Variants in ZBTB16 observed in about 807,000 individuals in gnomAD.
The protein encoded by ZBTB16 is zinc finger and BTB domain-containing protein 16.
Under a neutral mutation model 56.8 loss-of-function variants are expected in ZBTB16, and 8 were observed. The observed-to-expected ratio is 0.14, with a 90% CI of 0.08 to 0.25. The LOEUF (loss-of-function observed/expected upper bound fraction) is 0.25, where lower values mean the gene tolerates loss of function less well. ZBTB16 is among the 10% of genes least tolerant of loss of function. The probability of loss-of-function intolerance (pLI) is 1.00; values close to 1 mark genes in which losing one functional copy is unlikely to be tolerated. For synonymous variants in ZBTB16, 363 were observed against 368.5 expected (o/e 0.98, Z 0.17); for missense variants, 625 against 903.0 (o/e 0.69, Z 3.95).
intron 4 of ZBTB16, among the ~76,000 whole-genome samples, chr11:114,201,668 A>G (rs1165539829): frequency 6.6e-6 from 1 of 152,220 alleles, no homozygotes; most frequent in Admixed American, 6.5e-5. Flanking sequence ...TTTGCATGAT[A>G]AAAGCTGATT....
chr11:114,168,692 C>T (rs777161436), intron 3 of ZBTB16, among the ~76,000 whole-genome samples: 4 of 152,176 alleles, frequency 2.6e-5, no homozygotes, highest in Non-Finnish European at 5.9e-5. Flanking sequence ...TATACCTAGC[C>T]CTGGCCTCGT....
At chr11:114,165,385 A>G (rs1485517859) in intron 3 of ZBTB16, among the ~76,000 whole-genome samples, 3 of 152,176 alleles carry the variant, frequency 2.0e-5, no homozygotes, top group Admixed American at 6.6e-5. Flanking sequence ...AGGCTTTACA[A>G]GGCCCTTATT....
intron 4 of ZBTB16, among the ~76,000 whole-genome samples, chr11:114,230,192 C>T (rs1417422474): frequency 6.6e-6 from 1 of 152,170 alleles, no homozygotes; most frequent in Non-Finnish European, 1.5e-5. Context: ...GCAAAACAAC[C>T]TCTGTCCTTG....
chr11:114,192,835 T>G (rs1943530127), intron 4 of ZBTB16, among the ~76,000 whole-genome samples: 1 of 152,226 alleles, frequency 6.6e-6, no homozygotes, highest in African/African-American at 2.4e-5. Flanking sequence ...TCTGGGGGAA[T>G]GAGCTGTGAG....
At chr11:114,245,678 C>T (rs896123208) in intron 5 of ZBTB16, among the ~76,000 whole-genome samples, 2 of 152,106 alleles carry the variant, frequency 1.3e-5, no homozygotes, top group African/African-American at 2.4e-5. Context: ...TGCCCAGGCA[C>T]GAGCGCAGTT....
Position 114,204,564 on chromosome 11 carries a change from T to C in ZBTB16, c.1453+17526T>C, listed in dbSNP as rs188680669. Among the ~76,000 whole-genome samples, 14 of 152,360 alleles carry C rather than the reference T, an allele frequency of 9.2e-5. No individual in the cohort carries two copies. The East Asian group carries it at 2.7e-3, about 29-fold the overall frequency. On this transcript the variant is annotated intron_variant, in intron 4 of 6. Coordinates refer to ENST00000335953, the MANE Select transcript of ZBTB16 (RefSeq NM_006006.6). Reference sequence around the variant, plus strand: ...TTTAATGGTTTCCCAGTGTTCTCCCTACACCCATTCGTTTTTTTCTCCCCA... The same window carrying C: ...TTTAATGGTTTCCCAGTGTTCTCCCCACACCCATTCGTTTTTTTCTCCCCA...
intron 4 of ZBTB16, among the ~76,000 whole-genome samples, chr11:114,219,295 C>T (rs894920092): frequency 2.0e-5 from 3 of 152,146 alleles, no homozygotes; most frequent in African/African-American, 7.2e-5. Flanking sequence ...CCCAACCAAC[C>T]AACCAACAAA....
intron 4 of ZBTB16, among the ~76,000 whole-genome samples, chr11:114,200,754 G>A (rs1943720738): frequency 6.6e-6 from 1 of 152,088 alleles, no homozygotes; most frequent in African/African-American, 2.4e-5. Context: ...CCCATGCTCA[G>A]CCCCTCAAGC....
At chr11:114,150,593 C>G (rs1176054308) in intron 2 of ZBTB16, among the ~76,000 whole-genome samples, 1 of 152,200 alleles carries the variant, frequency 6.6e-6, no homozygotes, top group African/African-American at 2.4e-5. Context: ...TTGCATTCAT[C>G]CCTTCCTCTT....
At chr11:114,157,590 C>T (rs568911050) in intron 3 of ZBTB16, among the ~76,000 whole-genome samples, 1 of 152,310 alleles carries the variant, frequency 6.6e-6, no homozygotes, top group East Asian at 1.9e-4. Flanking sequence ...TTAGTACTGT[C>T]TTTCCCCTGA....
chr11:114,248,814 C>T (rs559180429), intron 6 of ZBTB16, among the ~76,000 whole-genome samples: 1 of 152,264 alleles, frequency 6.6e-6, no homozygotes, highest in African/African-American at 2.4e-5. Context: ...TTCCTTAGCC[C>T]CTTGTCAGGG....
intron 2 of ZBTB16, among the ~76,000 whole-genome samples, chr11:114,121,129 T>G (rs1364092968): frequency 6.6e-6 from 1 of 152,238 alleles, no homozygotes; most frequent in East Asian, 1.9e-4. Flanking sequence ...CAGATCCCAC[T>G]TTCCTGGTGA....
At chr11:114,115,743 C>T (rs1245068213) in intron 2 of ZBTB16, among the ~76,000 whole-genome samples, 1 of 152,166 alleles carries the variant, frequency 6.6e-6, no homozygotes, top group Non-Finnish European at 1.5e-5. Flanking sequence ...TTTACAGAAA[C>T]ACAACTGCTG....
chr11:114,187,803 C>T (rs486044), intron 4 of ZBTB16: 93,986 of 152,522 alleles, frequency 0.62, 29,801 homozygotes, highest in African/African-American at 0.76. Context: ...CCTCATTGCT[C>T]GTATTACCAC....
chr11:114,173,028 A>G (rs1023617456), intron 3 of ZBTB16, among the ~76,000 whole-genome samples: 11 of 152,170 alleles, frequency 7.2e-5, no homozygotes, highest in African/African-American at 2.7e-4. Context: ...ATTATGGTGC[A>G]GGGGGTAAGG....
At chr11:114,249,626 G>A (rs35692262) in intron 6 of ZBTB16, among the ~76,000 whole-genome samples, 1 of 145,580 alleles carries the variant, frequency 6.9e-6, no homozygotes, top group Non-Finnish European at 1.5e-5. Flanking sequence ...TTAGCCGGGC[G>A]CGGTGGCAGG....
intron 2 of ZBTB16, among the ~76,000 whole-genome samples, chr11:114,152,018 A>G (rs1178566558): frequency 6.6e-6 from 1 of 152,230 alleles, no homozygotes; most frequent in Non-Finnish European, 1.5e-5. Flanking sequence ...TCATGCTTCT[A>G]TGCAGTAGCC....
At chr11:114,216,796 T>C (rs780566243) in intron 4 of ZBTB16, among the ~76,000 whole-genome samples, 3 of 152,232 alleles carry the variant, frequency 2.0e-5, no homozygotes, top group Non-Finnish European at 4.4e-5. Context: ...ATTCAACATT[T>C]ATTGCATATC....
intron 2 of ZBTB16, among the ~76,000 whole-genome samples, chr11:114,103,711 G>A (rs1262270260): frequency 6.6e-6 from 1 of 152,056 alleles, no homozygotes; most frequent in Non-Finnish European, 1.5e-5. Context: ...AGAAGATGCG[G>A]GGTGGAGATA....
Sources: gnomAD v4.1 joint callset for allele counts (sites outside exome capture counted in the v4.1 genomes callset) on GRCh38, gnomAD v4.1.1 for gene constraint, MANE v1.5 for transcripts, NCBI Gene and HGNC (gene_info 2026-07-23, HGNC 2026-07-21) for gene names.